The following CTNNA2 variants were observed in gnomAD, a reference collection of about 807,000 sequenced individuals.
CTNNA2 encodes the protein catenin alpha 2.
CTNNA2 carries 42 observed loss-of-function variants against 101.0 expected under a neutral mutation model. The ratio of observed to expected loss-of-function variants is 0.42; its 90% CI spans 0.32 to 0.54. The LOEUF (loss-of-function observed/expected upper bound fraction) is 0.54. Among genes scored for constraint, CTNNA2 ranks in the 20% least tolerant of loss-of-function variants. CTNNA2 has a pLI of 0.14. For synonymous variants in CTNNA2, 450 were observed against 456.4 expected (o/e 0.99, Z 0.18); for missense variants, 871 against 1,223.1 (o/e 0.71, Z 4.29).
At chr2:79,747,065 T>C (rs1671700237) in intron 3 of CTNNA2, among the ~76,000 whole-genome samples, 1 of 152,192 alleles carries the variant, frequency 6.6e-6, no homozygotes, top group Non-Finnish European at 1.5e-5. Context: ...CCTTCCACAC[T>C]AACAAATACT....
At chr2:79,382,467 C>G (rs916168141) in intron 4 of CTNNA2, among the ~76,000 whole-genome samples, 2 of 151,538 alleles carry the variant, frequency 1.3e-5, no homozygotes, top group African/African-American at 4.9e-5. Context: ...ATGCTATTAC[C>G]AAAAAAGAAG....
rs565659550 is a variant in CTNNA2 at position 79,439,655 on chromosome 2, G to T, written c.-134-65399G>T. ...ATGCAGATTCAGATTCAGTAAGTCT[G>T]GGGTGGGGCCTGATATTCTGGGTAA... On this transcript the variant is annotated intron_variant, in intron 4 of 21. Coordinates refer to the CTNNA2 transcript ENST00000466387. Among the ~76,000 whole-genome samples, 12 of 152,244 alleles carry T rather than the reference G, an allele frequency of 7.9e-5. No individual in the cohort carries two copies. In the South Asian group the frequency reaches 2.5e-3, roughly 32 times the overall value.
At chr2:79,579,724 C>A (rs980664689) in intron 1 of CTNNA2, among the ~76,000 whole-genome samples, 1 of 152,138 alleles carries the variant, frequency 6.6e-6, no homozygotes, top group Admixed American at 6.5e-5. Flanking sequence ...AAGCGATTCT[C>A]CTGCCTCAGC....
chr2:79,876,496 A>G (rs1455159776), intron 6 of CTNNA2, among the ~76,000 whole-genome samples: 1 of 152,184 alleles, frequency 6.6e-6, no homozygotes. Context: ...TCTAGTTATA[A>G]TTTATTTTAT....
chr2:79,484,429 C>A (rs1454881349), intron 4 of CTNNA2, among the ~76,000 whole-genome samples: 1 of 152,050 alleles, frequency 6.6e-6, no homozygotes, highest in Non-Finnish European at 1.5e-5. Context: ...TATCTCTGAC[C>A]TACACATATA....
intron 7 of CTNNA2, among the ~76,000 whole-genome samples, chr2:79,987,550 A>C (rs945198817): frequency 6.6e-6 from 1 of 152,164 alleles, no homozygotes; most frequent in African/African-American, 2.4e-5. Context: ...ACTTTGACAC[A>C]TACTGGGACT....
intron 3 of CTNNA2, among the ~76,000 whole-genome samples, chr2:79,359,703 G>A (rs2104445765): frequency 6.6e-6 from 1 of 152,242 alleles, no homozygotes; most frequent in African/African-American, 2.4e-5. Context: ...TTCAGAAGAA[G>A]GTAGCCAAAG....
At chr2:80,019,437 C>A (rs1308327630) in intron 7 of CTNNA2, among the ~76,000 whole-genome samples, 1 of 152,196 alleles carries the variant, frequency 6.6e-6, no homozygotes, top group Non-Finnish European at 1.5e-5. Context: ...TCATCTTTTT[C>A]TCCTACGTAC....
chr2:79,896,467 C>A (rs543155802), intron 6 of CTNNA2, among the ~76,000 whole-genome samples: 46 of 152,164 alleles, frequency 3.0e-4, no homozygotes, highest in Non-Finnish European at 5.4e-4. Context: ...ACTGTAGTGA[C>A]CTATTTTGCT....
chr2:80,323,566 T>C (rs1295599196), intron 7 of CTNNA2, among the ~76,000 whole-genome samples: 1 of 152,148 alleles, frequency 6.6e-6, no homozygotes, highest in Non-Finnish European at 1.5e-5. Context: ...TGTGGTTTCT[T>C]ATTGACCTTC....
intron 3 of CTNNA2, among the ~76,000 whole-genome samples, chr2:79,352,434 T>C (rs1289000602): frequency 6.6e-6 from 1 of 152,158 alleles, no homozygotes; most frequent in Non-Finnish European, 1.5e-5. Flanking sequence ...TGTAATAATA[T>C]CTTTGTCATT....
intron 7 of CTNNA2, among the ~76,000 whole-genome samples, chr2:80,377,851 C>T (rs970326550): frequency 1.3e-5 from 2 of 152,136 alleles, no homozygotes; most frequent in Non-Finnish European, 2.9e-5. Context: ...TGGAATTTAT[C>T]TTCCTCGGTC....
chr2:80,035,736 G>T (rs1695604942), intron 7 of CTNNA2, among the ~76,000 whole-genome samples: 1 of 152,162 alleles, frequency 6.6e-6, no homozygotes, highest in African/African-American at 2.4e-5. Context: ...ATTTGCACAA[G>T]TTCTCAGAGA....
At chr2:80,106,128 G>A (rs532465705) in intron 7 of CTNNA2, among the ~76,000 whole-genome samples, 5 of 152,260 alleles carry the variant, frequency 3.3e-5, no homozygotes, top group Admixed American at 1.3e-4. Context: ...TAACTGAGTC[G>A]TTGTATGTAG....
chr2:79,217,570 G>T (rs929473655), intron 2 of CTNNA2, among the ~76,000 whole-genome samples: 2 of 152,166 alleles, frequency 1.3e-5, no homozygotes, highest in African/African-American at 4.8e-5. Flanking sequence ...AATTTCACAA[G>T]GAGTTAAGGC....
chr2:79,761,646 C>T (rs1672794691), intron 3 of CTNNA2, among the ~76,000 whole-genome samples: 2 of 152,092 alleles, frequency 1.3e-5, no homozygotes, highest in Admixed American at 1.3e-4. Flanking sequence ...TTCCCCGATG[C>T]AGATTCATGT....
intron 2 of CTNNA2, among the ~76,000 whole-genome samples, chr2:79,234,756 G>A (rs1221034248): frequency 6.6e-5 from 10 of 152,094 alleles, no homozygotes. Context: ...ATATTTGTAT[G>A]AGAGAGCTTA....
intron 1 of CTNNA2, among the ~76,000 whole-genome samples, chr2:79,646,179 A>G (rs1680799104): frequency 6.6e-6 from 1 of 152,330 alleles, no homozygotes; most frequent in East Asian, 1.9e-4. Context: ...GGAAGGTTTG[A>G]AAAGGAGAAT....
Position 79,922,922 on chromosome 2 carries a change from A to G in CTNNA2, c.1056+13125A>G, listed in dbSNP as rs183229932. Among the ~76,000 whole-genome samples, 25 of 152,164 alleles carry G rather than the reference A, an allele frequency of 1.6e-4. 1 individual carries two copies. The highest frequency in any genetic ancestry group is 5.5e-4 in the African/African-American group (23 of 41,526). ...GACAACATTGGATTTTCGGTATTCT[A>G]TTCTCTCCATTTAAAGCCCTACATT... On this transcript the variant is annotated intron_variant, in intron 7 of 18. Coordinates refer to ENST00000402739, the MANE Select transcript of CTNNA2 (RefSeq NM_001282597.3).
Sources: allele counts gnomAD v4.1 joint callset (sites outside exome capture counted in the v4.1 genomes callset), GRCh38; gene constraint gnomAD v4.1.1; transcripts MANE v1.5; gene names NCBI Gene and HGNC (gene_info 2026-07-23, HGNC 2026-07-21).